Variants in LMAN1L observed in about 807,000 individuals in gnomAD.
The protein encoded by LMAN1L is lectin, mannose binding 1 like, also known as protein ERGIC-53-like.
In LMAN1L, 60 loss-of-function variants were observed where a neutral mutation model predicts 58.3. The ratio of observed to expected loss-of-function variants is 1.03; its 90% CI spans 0.84 to 1.27. The LOEUF (loss-of-function observed/expected upper bound fraction) is 1.27. Ranked by LOEUF, LMAN1L falls within the 50% of genes most tolerant of loss-of-function variation. The pLI is 0.00. For missense variants in LMAN1L, 629 were observed against 674.0 expected (o/e 0.93, Z 0.74); for synonymous variants, 280 against 271.6 (o/e 1.03, Z -0.31).
chr15:74,819,212 C>T lies in LMAN1L; in HGVS notation c.658C>T (p.Pro220Ser). The T allele has an allele frequency of 6.2e-7, 1 of 1,614,176 alleles. No individual in the cohort carries two copies. Residue 220 changes from proline (P) to serine (S), a missense_variant, in exon 6 of 14, where the codon CCC becomes TCC. Coordinates refer to ENST00000309664, the MANE Select transcript of LMAN1L (RefSeq NM_021819.3). ...AGGTGAGTTCTGTGTGGATGTGGGG[C>T]CCCTGCTTTTGGTCCCTGGAGGTTT... ...DPGEFCVDVG[P>S]LLLVPGGFFG... is the part of the protein sequence containing the mutation.
chr15:74,816,294 C>A lies in LMAN1L; in HGVS notation c.313C>A (p.Arg105=). 6.2e-7 allele frequency: 1 copy of A among 1,612,300 alleles called. No individual in the cohort carries two copies. Among genetic ancestry groups the A allele is most frequent in the Non-Finnish European group, 8.5e-7 (1 of 1,179,786 alleles). The part of the protein sequence containing the change: ...VQMRVTGLGR[R]GAQGMAVWYT... Reference sequence around the variant, plus strand: ...GATGAGGGTGACGGGACTGGGGCGCCGGGGAGCCCAGGGCATGGTGAGTGT... The same window carrying A: ...GATGAGGGTGACGGGACTGGGGCGCAGGGGAGCCCAGGGCATGGTGAGTGT... The change falls in exon 2 of 14, where the codon CGG becomes AGG. Residue 105 remains arginine, a synonymous_variant. Coordinates refer to ENST00000309664, the MANE Select transcript of LMAN1L (RefSeq NM_021819.3).
intron 13 of LMAN1L, 64 bp from the exon 14 acceptor site, chr15:74,825,412 C>T: frequency 6.4e-7 from 1 of 1,551,724 alleles, no homozygotes; most frequent in Non-Finnish European, 8.8e-7. Context: ...CATGAGAGTC[C>T]TGGTTTTTCA....
At position 74,820,750 on chromosome 15, in the gene LMAN1L, C is replaced by A; in HGVS notation, c.890C>A (p.Ser297Tyr). 1.2e-6 allele frequency: 2 copies of A among 1,613,090 alleles called. No individual in the cohort carries two copies. The highest frequency in any genetic ancestry group is 1.7e-6 in the Non-Finnish European group (2 of 1,179,702). Residue 297 changes from serine (S) to tyrosine (Y), a missense_variant, in exon 8 of 14, where the codon TCT becomes TAT. This residue lies in a region of LMAN1L where 573 missense variants were observed against 597.3 expected (regional missense o/e 0.96). Coordinates refer to ENST00000309664, the MANE Select transcript of LMAN1L (RefSeq NM_021819.3). ...TREDVTPKSD[S>Y]EAQGEGERLF... ...GAGGATGTAACTCCAAAATCAGACT[C>A]TGAAGCTCAAGGAGAAGGTAGGGAC... is the stretch of plus-strand genomic sequence containing the variant.
At chr15:74,814,372 G>GTT (rs1331712044) in intron 1 of LMAN1L, among the ~76,000 whole-genome samples, 36,060 of 108,572 alleles carry the variant, frequency 0.33, 10,676 homozygotes, top group Non-Finnish European at 0.51. Flanking sequence ...TTTTGTTTTT[G>GTT]TTTTTGTTTT....
At position 74,825,473 on chromosome 15, in the gene LMAN1L, C is replaced by T. The variant is rs1567226113; in HGVS notation, c.1452-3C>T. On this transcript the variant is annotated splice_polypyrimidine_tract_variant and splice_region_variant and intron_variant, in intron 13 of 13. Transcript: ENST00000309664. ...TAACCTGTAACCTTCTCTCTGGCAG[C>T]AGGCAGGAGCTGAACAAGAGCCTTC... The T allele has an allele frequency of 3.7e-6, 6 of 1,607,972 alleles. No homozygotes were observed. Among genetic ancestry groups the T allele is most frequent in the Non-Finnish European group, 5.1e-6 (6 of 1,175,346 alleles).
chr15:74,825,394 A>T, intron 13 of LMAN1L, 82 bp from the exon 14 acceptor site: 1 of 1,470,772 alleles, frequency 6.8e-7, no homozygotes, highest in Non-Finnish European at 9.3e-7. Context: ...TGAGTGTAGC[A>T]AGGCAAGCAT....
At chr15:74,818,367 G>A (rs2063901887) in intron 4 of LMAN1L, among the ~76,000 whole-genome samples, 1 of 152,182 alleles carries the variant, frequency 6.6e-6, no homozygotes, top group African/African-American at 2.4e-5. Context: ...TCACTGTCCA[G>A]GCCTTGAGTC....
chr15:74,821,370 C>G (rs1361762414), intron 9 of LMAN1L, 144 bp downstream of exon 9: 1 of 1,030,512 alleles, frequency 9.7e-7, no homozygotes, highest in African/African-American at 1.6e-5. Flanking sequence ...TGGGGCAGGG[C>G]AGCATGCAGG....
chr15:74,818,941 C>A, intron 5 of LMAN1L, 124 bp downstream of exon 5: 1 of 1,008,674 alleles, frequency 9.9e-7, no homozygotes. Flanking sequence ...CACGGGCCAA[C>A]ATCCACAGGG....
At chr15:74,820,469 G>A (rs563680122) in intron 7 of LMAN1L, 166 bp from the exon 8 acceptor site, 286 of 867,140 alleles carry the variant, frequency 3.3e-4, no homozygotes, top group Non-Finnish European at 5.0e-4. Context: ...AGCAGGGAGG[G>A]AAGATGGTGG....
intron 4 of LMAN1L, among the ~76,000 whole-genome samples, chr15:74,818,052 G>A (rs898071861): frequency 3.3e-5 from 5 of 150,940 alleles, no homozygotes; most frequent in Non-Finnish European, 7.4e-5. Context: ...AAGGAGGGAC[G>A]TAAGGGTGAT....
At chr15:74,820,020 TCTC>T (rs1393734473) in intron 6 of LMAN1L, 21 bp from the exon 7 acceptor site, 3 of 1,610,808 alleles carry the variant, frequency 1.9e-6, no homozygotes, top group African/African-American at 2.7e-5. Context: ...GGGTCTTACT[TCTC>T]CTTCATCTGT....
In LMAN1L at chr15:74,823,819, G is replaced by A. The variant is rs557746004; in HGVS notation, c.1323+137G>A. 4.2e-4 allele frequency: 413 copies of A among 992,764 alleles called. 1 individual carries two copies. The highest frequency in any genetic ancestry group is 9.9e-5 in the Non-Finnish European group (67 of 676,792). The allele number at this position is 992,764 out of a possible 1,614,324, so 61.5% of individuals were successfully genotyped here. A position where few individuals can be genotyped will look rare whatever the true frequency, so the allele number is the denominator to read the frequency against. On this transcript the variant is annotated intron_variant, in intron 12 of 13. Coordinates refer to ENST00000309664, the MANE Select transcript of LMAN1L (RefSeq NM_021819.3). ...CCCAGGACTGCTGGCAAGCACATCT[G>A]TGCCTGCGTCAGTGTCTGTGTGTCC...
At chr15:74,819,814 C>G in intron 6 of LMAN1L, 1 of 600,950 alleles carries the variant, frequency 1.7e-6, no homozygotes. Flanking sequence ...TCGTCCAGTT[C>G]TGCCACAGGG....
intron 6 of LMAN1L, chr15:74,819,497 T>A: frequency 1.7e-6 from 1 of 571,822 alleles, no homozygotes; most frequent in Non-Finnish European, 3.0e-6. Flanking sequence ...TGCCCCTAGC[T>A]GTGAGTTGCG....
In LMAN1L at chr15:74,824,422, C is replaced by T. The variant is rs1006329718; in HGVS notation, c.1395C>T (p.Ile465=). 9 of 1,614,060 alleles carry T rather than the reference C, an allele frequency of 5.6e-6. No homozygotes were observed. The highest frequency in any genetic ancestry group is 1.7e-5 in the Admixed American group (1 of 60,014). Reference sequence around the variant, plus strand: ...CCTCCTCGTGCCTGCAGCCTGGCATCTTCCTGTTCTACCTCCTCATTCAGA... The same window carrying T: ...CCTCCTCGTGCCTGCAGCCTGGCATTTTCCTGTTCTACCTCCTCATTCAGA... ...PRASSCLQPG[I]FLFYLLIQTV... Residue 465 remains isoleucine, a synonymous_variant, in exon 13 of 14, where the codon ATC becomes ATT. Transcript: ENST00000309664.
chr15:74,817,874 G>GGCCA (rs2063898733), intron 4 of LMAN1L, among the ~76,000 whole-genome samples: 1 of 151,992 alleles, frequency 6.6e-6, no homozygotes. Flanking sequence ...TTAGCCGGGT[G>GGCCA]TGGTGGCGAG....
rs763905321 is a variant in LMAN1L, at chr15:74,820,068, T to G, written c.743T>G (p.Leu248Arg). ...GATGATCATGATGTCCTGTCCTTCC[T>G]GACCTTCAGCCTGAGTGAGCCCAGC... ...LADDHDVLSF[L>R]TFSLSEPSPE... is the part of the protein sequence containing the mutation. The change falls in exon 7 of 14, where the codon CTG becomes CGG. Residue 248 changes from leucine (L) to arginine (R), a missense_variant. Transcript: ENST00000309664. 2.5e-6 allele frequency: 4 copies of G among 1,614,062 alleles called. No individual in the cohort carries two copies. Among genetic ancestry groups the G allele is most frequent in the Non-Finnish European group, 3.4e-6 (4 of 1,180,000 alleles).
At chr15:74,815,932 C>G (rs1387615656) in intron 1 of LMAN1L, among the ~76,000 whole-genome samples, 1 of 152,246 alleles carries the variant, frequency 6.6e-6, no homozygotes, top group Non-Finnish European at 1.5e-5. Flanking sequence ...TGCGGTGAGG[C>G]TTCACTGACG....
Sources: gnomAD v4.1 joint callset for allele counts (sites outside exome capture counted in the v4.1 genomes callset) on GRCh38, gnomAD v4.1.1 for gene constraint, gnomAD v4.1.1 regional missense constraint, MANE v1.5 for transcripts, NCBI Gene and HGNC (gene_info 2026-07-23, HGNC 2026-07-21) for gene names.